CFAP47: variants seen among roughly 807,000 people sequenced by gnomAD.
The protein encoded by CFAP47 is cilia- and flagella-associated protein 47.
In CFAP47, 29 loss-of-function variants were observed where a neutral mutation model predicts 148.1. That is an observed-to-expected ratio of 0.20 (90% CI 0.15 to 0.27). The LOEUF is 0.27. Ranked by LOEUF, CFAP47 falls within the 10% of genes least tolerant of loss-of-function variation. The pLI, the probability that CFAP47 is intolerant of heterozygous loss-of-function variation, is 1.00. For missense variants in CFAP47, 1,872 were observed against 1,697.5 expected, an observed-to-expected ratio of 1.10 and a Z score of -1.81; for synonymous variants, 664 against 577.3, an observed-to-expected ratio of 1.15 and a Z score of -2.15.
chrX:36,136,159 T>G (rs964047234), intron 33 of CFAP47, among the ~76,000 whole-genome samples: 13 of 109,611 alleles, frequency 1.2e-4, no homozygotes, highest in African/African-American at 4.3e-4. Context: ...TCTGTGGTCC[T>G]GAGTTGTGAT....
intron 33 of CFAP47, among the ~76,000 whole-genome samples, chrX:36,107,311 TTG>T (rs1224201976): frequency 2.7e-5 from 3 of 112,102 alleles, no homozygotes; most frequent in Non-Finnish European, 5.6e-5. Context: ...GTAAAATTAT[TTG>T]TGTGTTTTAG....
chrX:35,940,355 C>T (rs746547438), intron 2 of CFAP47, among the ~76,000 whole-genome samples: 2 of 110,861 alleles, frequency 1.8e-5, no homozygotes, highest in Non-Finnish European at 3.8e-5. Flanking sequence ...GTGTTTTAGA[C>T]ATGAAGTCCT....
chrX:35,980,711 G>A (rs772585688), intron 15 of CFAP47, among the ~76,000 whole-genome samples: 62 of 110,402 alleles, frequency 5.6e-4, no homozygotes, highest in Non-Finnish European at 1.1e-3. Context: ...ATCCATATCT[G>A]ATGTTGGTTC....
In CFAP47 at chrX:35,953,599, G is replaced by C; in HGVS notation, c.1054G>C (p.Ala352Pro). 8.4e-7 allele frequency: 1 copy of C among 1,186,583 alleles called. No homozygotes were observed. ...ATTGTGATTTTTTTACAGGCTAATGGCTGTTGGTAAAAAGGATATTGGACC... is the reference window on the plus strand; with the variant it reads ...ATTGTGATTTTTTTACAGGCTAATGCCTGTTGGTAAAAAGGATATTGGACC... Reference protein sequence around the residue: ...ITFCFTPKLMAVGKKDIGPSY... With the variant: ...ITFCFTPKLMPVGKKDIGPSY... Residue 352 changes from alanine (A) to proline (P), a missense_variant, in exon 7 of 64, where the codon GCT (alanine) becomes CCT (proline). Ala to Pro is a conservative substitution (Grantham distance 27, BLOSUM62 -1). Transcript: ENST00000378653.
chrX:36,020,319 A>C (rs886682650), intron 22 of CFAP47, among the ~76,000 whole-genome samples: 1 of 112,038 alleles, frequency 8.9e-6, no homozygotes, highest in East Asian at 2.8e-4. Flanking sequence ...TAGCCATTGG[A>C]TGAAATGTTC....
At chrX:36,381,175 A>G (rs1049797610) in intron 63 of CFAP47, among the ~76,000 whole-genome samples, 1 of 110,879 alleles carries the variant, frequency 9.0e-6, no homozygotes, top group African/African-American at 3.3e-5. Flanking sequence ...TCCAGTATGA[A>G]CATTCATCAA....
chrX:36,217,234 C>T (rs1055824386), intron 45 of CFAP47, among the ~76,000 whole-genome samples: 6 of 111,673 alleles, frequency 5.4e-5, no homozygotes, highest in African/African-American at 2.0e-4. Context: ...ATGTCTGTCC[C>T]AGCACTCAGG....
At chrX:36,231,534 C>T (rs1416014768) in intron 46 of CFAP47, among the ~76,000 whole-genome samples, 2 of 110,836 alleles carry the variant, frequency 1.8e-5, no homozygotes, top group Non-Finnish European at 3.8e-5. Context: ...GGGTTTTCTA[C>T]GTATACAATC....
chrX:35,936,173 A>C (rs930221628), intron 2 of CFAP47, among the ~76,000 whole-genome samples: 5 of 111,495 alleles, frequency 4.5e-5, no homozygotes, highest in Admixed American at 2.9e-4. Context: ...ATTGTCCCAC[A>C]GGCCTCTGAG....
intron 60 of CFAP47, among the ~76,000 whole-genome samples, chrX:36,356,965 G>T (rs1941790997): frequency 8.9e-6 from 1 of 112,361 alleles, no homozygotes; most frequent in African/African-American, 3.2e-5. Flanking sequence ...GAACTGTGGA[G>T]AAATTTGGGC....
intron 57 of CFAP47, among the ~76,000 whole-genome samples, chrX:36,335,686 G>T (rs1276993927): frequency 9.0e-6 from 1 of 111,702 alleles, no homozygotes; most frequent in African/African-American, 3.3e-5. Context: ...ATAGATTAGT[G>T]GTTGTAGTAA....
At chrX:35,981,810 T>A (rs1463065692) in intron 15 of CFAP47, among the ~76,000 whole-genome samples, 1 of 112,015 alleles carries the variant, frequency 8.9e-6, no homozygotes, top group Admixed American at 9.5e-5. Flanking sequence ...TTGCTTAGGA[T>A]AATGGCTTCC....
At chrX:36,261,820 G>A (rs1352305224) in intron 49 of CFAP47, among the ~76,000 whole-genome samples, 1 of 111,385 alleles carries the variant, frequency 9.0e-6, no homozygotes, top group South Asian at 3.8e-4. Flanking sequence ...ATCATGGCCC[G>A]TTCTCAATGA....
chrX:35,967,552 A>G, intron 9 of CFAP47, 67 bp from the exon 10 acceptor site: 1 of 800,889 alleles, frequency 1.2e-6, no homozygotes, highest in Non-Finnish European at 1.8e-6. Context: ...TAATTAATTC[A>G]TGGTTATTGT....
intron 45 of CFAP47, among the ~76,000 whole-genome samples, chrX:36,218,321 G>A (rs1376915846): frequency 1.8e-5 from 2 of 111,658 alleles, no homozygotes; most frequent in Admixed American, 9.6e-5. Context: ...GAAAATAATA[G>A]AAAACTTACT....
chrX:36,083,224 G>A (rs1938015448), intron 29 of CFAP47, among the ~76,000 whole-genome samples: 1 of 109,914 alleles, frequency 9.1e-6, no homozygotes, highest in Non-Finnish European at 1.9e-5. Context: ...ACACACACAT[G>A]TGCATACATA....
At chrX:36,030,633 A>G (rs1937269271) in intron 22 of CFAP47, among the ~76,000 whole-genome samples, 1 of 110,378 alleles carries the variant, frequency 9.1e-6, no homozygotes, top group Non-Finnish European at 1.9e-5. Context: ...GTTTTATTTT[A>G]TTTACTTTTT....
chrX:35,984,074 G>T (rs184848947), intron 15 of CFAP47, among the ~76,000 whole-genome samples: 50 of 111,354 alleles, frequency 4.5e-4, no homozygotes, highest in African/African-American at 1.6e-3. Context: ...GAATTTGGCT[G>T]TAAATCTTTT....
chrX:36,155,791 A>G (rs1939359854), intron 37 of CFAP47, among the ~76,000 whole-genome samples: 1 of 111,354 alleles, frequency 9.0e-6, no homozygotes, highest in Non-Finnish European at 1.9e-5. Flanking sequence ...AATGGAACTT[A>G]TAGGAAGCAA....
Sources: gnomAD v4.1 joint callset for allele counts (sites outside exome capture counted in the v4.1 genomes callset) on GRCh38, gnomAD v4.1.1 for gene constraint, MANE v1.5 for transcripts, NCBI Gene and HGNC (gene_info 2026-07-23, HGNC 2026-07-21) for gene names.